RAB2A: variants seen among roughly 807,000 people sequenced by gnomAD.
The protein encoded by RAB2A is RAB2A, member RAS oncogene family.
RAB2A carries 7 observed loss-of-function variants against 32.5 expected under a neutral mutation model. The observed-to-expected ratio is 0.22, with a 90% confidence interval of 0.12 to 0.40. The LOEUF (loss-of-function observed/expected upper bound fraction) is 0.40, where lower values mean the gene tolerates loss of function less well. Ranked by LOEUF, RAB2A falls within the 10% of genes least tolerant of loss-of-function variation. The pLI, the probability that RAB2A is intolerant of heterozygous loss-of-function variation, is 1.00. For missense variants in RAB2A, 108 were observed against 260.7 expected, an observed-to-expected ratio of 0.41 and a Z score of 4.03; for synonymous variants, 79 against 85.2, an observed-to-expected ratio of 0.93 and a Z score of 0.40.
intron 1 of RAB2A, among the ~76,000 whole-genome samples, chr8:60,526,840 G>A (rs112144850): frequency 0.082 from 12,420 of 151,916 alleles, 1,543 homozygotes; most frequent in African/African-American, 0.27. Flanking sequence ...GTGGCGGCAT[G>A]CGCCTGTAAT....
chr8:60,546,262 G>A (rs1586073226), intron 1 of RAB2A, among the ~76,000 whole-genome samples: 1 of 152,264 alleles, frequency 6.6e-6, no homozygotes, highest in South Asian at 2.1e-4. Context: ...TTTTTCTTAA[G>A]CCTTCTCAAA....
At chr8:60,578,855 A>T (rs534018744) in intron 3 of RAB2A, among the ~76,000 whole-genome samples, 1 of 152,194 alleles carries the variant, frequency 6.6e-6, no homozygotes, top group South Asian at 2.1e-4. Context: ...GGTGCAAAGG[A>T]TCAATTTTGA....
chr8:60,598,370 G>A (rs1237016383), intron 6 of RAB2A, among the ~76,000 whole-genome samples: 1 of 152,074 alleles, frequency 6.6e-6, no homozygotes, highest in African/African-American at 2.4e-5. Context: ...GCAGAAAATA[G>A]ATGTAACACT....
chr8:60,592,440 C>CA (rs1803958047), intron 6 of RAB2A, among the ~76,000 whole-genome samples: 1 of 152,084 alleles, frequency 6.6e-6, no homozygotes, highest in South Asian at 2.1e-4. Flanking sequence ...CAAGGAACCA[C>CA]ACTAATGAAA....
At chr8:60,555,084 A>G (rs1274138913) in intron 1 of RAB2A, among the ~76,000 whole-genome samples, 1 of 152,248 alleles carries the variant, frequency 6.6e-6, no homozygotes, top group Non-Finnish European at 1.5e-5. Context: ...AGGCAGATAC[A>G]TTATATAGAT....
chr8:60,590,109 C>T (rs756605223), intron 5 of RAB2A, among the ~76,000 whole-genome samples: 2 of 151,898 alleles, frequency 1.3e-5, no homozygotes, highest in Non-Finnish European at 2.9e-5. Context: ...TTACAGGCAC[C>T]CACCATCATA....
upstream of RAB2A, chr8:60,516,975 G>A (rs1204258784): frequency 2.4e-6 from 1 of 418,020 alleles, no homozygotes; most frequent in Non-Finnish European, 4.3e-6. Context: ...CGGAGGCGCC[G>A]CGGCGGCTGT....
chr8:60,533,208 A>C (rs1807504395), intron 1 of RAB2A, among the ~76,000 whole-genome samples: 1 of 152,218 alleles, frequency 6.6e-6, no homozygotes, highest in African/African-American at 2.4e-5. Context: ...CAAAAGAATA[A>C]ATGTGATGCT....
At chr8:60,609,890 G>A (rs1804306538) in intron 6 of RAB2A, among the ~76,000 whole-genome samples, 2 of 150,704 alleles carry the variant, frequency 1.3e-5, no homozygotes, top group African/African-American at 4.9e-5. Flanking sequence ...GCTCAGGAGG[G>A]CAAGGCTTCA....
Position 60,621,121 on chromosome 8 carries a change from G to A in RAB2A, c.*352G>A. On this transcript the variant is annotated 3_prime_UTR_variant, in exon 8 of 8. Transcript: ENST00000262646. ...TGTAGTTAGGTTTCCCAACATCTGT[G>A]GTTACCTAATGTTTAATATTATAGA... The A allele has an allele frequency of 5.5e-6, 1 of 180,270 alleles. No individual in the cohort carries two copies. Among genetic ancestry groups the A allele is most frequent in the Non-Finnish European group, 1.2e-5 (1 of 85,732 alleles). 11.2% of individuals were successfully genotyped at this position (180,270 alleles called of 1,614,324 possible).
chr8:60,545,483 C>T (rs748491189), intron 1 of RAB2A, among the ~76,000 whole-genome samples: 2 of 152,036 alleles, frequency 1.3e-5, no homozygotes, highest in Non-Finnish European at 2.9e-5. Flanking sequence ...TGCCATGTTG[C>T]CCAGGCTGGT....
intron 6 of RAB2A, among the ~76,000 whole-genome samples, chr8:60,605,454 C>G (rs1164248167): frequency 3.9e-5 from 6 of 152,088 alleles, no homozygotes; most frequent in African/African-American, 1.4e-4. Flanking sequence ...TCCTCCAGAC[C>G]CCAGAATGGT....
chr8:60,602,274 A>G (rs137930195), intron 6 of RAB2A, among the ~76,000 whole-genome samples: 75 of 152,292 alleles, frequency 4.9e-4, no homozygotes, highest in Middle Eastern at 3.4e-3. Context: ...CCGTGTAGAC[A>G]TTTTGAGTCT....
intron 1 of RAB2A, among the ~76,000 whole-genome samples, chr8:60,548,791 A>G (rs200234554): frequency 0.54 from 68,862 of 127,784 alleles, 19,196 homozygotes; most frequent in African/African-American, 0.8. Flanking sequence ...CCTCCCTCCC[A>G]GACGGGGCGG....
intron 6 of RAB2A, among the ~76,000 whole-genome samples, chr8:60,618,337 A>T (rs1166795425): frequency 6.6e-6 from 1 of 152,154 alleles, no homozygotes; most frequent in Non-Finnish European, 1.5e-5. Flanking sequence ...TTATCATGAA[A>T]TGTTGGATTT....
At position 60,592,027 on chromosome 8, in the gene RAB2A, A is replaced by G. The variant is rs568521272; in HGVS notation, c.474+58A>G. 45 of 1,025,598 alleles carry G rather than the reference A, an allele frequency of 4.4e-5. No individual in the cohort carries two copies. In the African/African-American group the frequency reaches 6.9e-4, roughly 16 times the overall value. The allele number at this position is 1,025,598 out of a possible 1,614,324, so 63.5% of individuals were successfully genotyped here. A position where few individuals can be genotyped will look rare whatever the true frequency, so the allele number is the denominator to read the frequency against. On this transcript the variant is annotated intron_variant, in intron 6 of 7. Coordinates refer to ENST00000262646, the MANE Select transcript of RAB2A (RefSeq NM_002865.3). ...TATACTTAATAGAAATGTTTTATAT[A>G]TCTTCATTTTACTTATTATTTAAGT...
At chr8:60,595,779 A>G (rs1804012266) in intron 6 of RAB2A, among the ~76,000 whole-genome samples, 2 of 152,218 alleles carry the variant, frequency 1.3e-5, no homozygotes, top group Admixed American at 6.5e-5. Flanking sequence ...TGGAGACTTC[A>G]GCATCCCTTA....
intron 6 of RAB2A, among the ~76,000 whole-genome samples, chr8:60,610,052 T>G (rs1278916419): frequency 6.6e-6 from 1 of 151,574 alleles, no homozygotes; most frequent in Non-Finnish European, 1.5e-5. Context: ...ATCTTTGTGG[T>G]TTGAAAAGGC....
chr8:60,559,816 C>T (rs951844127), intron 2 of RAB2A, among the ~76,000 whole-genome samples: 6 of 152,170 alleles, frequency 3.9e-5, no homozygotes, highest in Admixed American at 2.0e-4. Flanking sequence ...TTTCTGCTGA[C>T]ATTATTAATT....
Sources: allele counts gnomAD v4.1 joint callset (sites outside exome capture counted in the v4.1 genomes callset), GRCh38; gene constraint gnomAD v4.1.1; transcripts MANE v1.5; gene names NCBI Gene and HGNC (gene_info 2026-07-23, HGNC 2026-07-21).